Variants in PDLIM5 observed in about 807,000 individuals in gnomAD.
PDLIM5 encodes PDZ and LIM domain 5.
PDLIM5 carries 34 observed loss-of-function variants against 64.2 expected under a neutral mutation model. The ratio of observed to expected loss-of-function variants is 0.53; its 90% CI spans 0.40 to 0.71. The LOEUF is 0.71. Among genes scored for constraint, PDLIM5 ranks in the 30% least tolerant of loss-of-function variants. PDLIM5 has a pLI of 0.00. For synonymous variants in PDLIM5, 253 were observed against 269.1 expected (o/e 0.94, Z 0.59); for missense variants, 683 against 733.6 (o/e 0.93, Z 0.80).
chr4:94,525,888 G>A (rs1165684404), intron 3 of PDLIM5, among the ~76,000 whole-genome samples: 2 of 152,102 alleles, frequency 1.3e-5, no homozygotes, highest in Non-Finnish European at 2.9e-5. Context: ...AAAAAAATTT[G>A]TTTCATTAGT....
chr4:94,607,148 G>A (rs1410481273), intron 7 of PDLIM5, among the ~76,000 whole-genome samples: 1 of 151,178 alleles, frequency 6.6e-6, no homozygotes, highest in Non-Finnish European at 1.5e-5. Context: ...CAACACTCTG[G>A]TAAAGGTATG....
chr4:94,594,584 AATT>A (rs1428645801), intron 7 of PDLIM5, among the ~76,000 whole-genome samples: 1 of 152,020 alleles, frequency 6.6e-6, no homozygotes, highest in East Asian at 1.9e-4. Flanking sequence ...ATTTAGAGAT[AATT>A]ATGTTATACA....
At chr4:94,560,659 C>G (rs1434474257) in intron 3 of PDLIM5, among the ~76,000 whole-genome samples, 1 of 152,186 alleles carries the variant, frequency 6.6e-6, no homozygotes, top group Non-Finnish European at 1.5e-5. Context: ...GCTTTTAGCT[C>G]TGGAATACTG....
intron 7 of PDLIM5, among the ~76,000 whole-genome samples, chr4:94,597,613 T>A (rs933283884): frequency 6.7e-6 from 1 of 150,190 alleles, no homozygotes; most frequent in South Asian, 2.1e-4. Flanking sequence ...CAGAAAGTGA[T>A]TCTAAATGGT....
chr4:94,656,058 A>AT (rs934162019), intron 10 of PDLIM5, among the ~76,000 whole-genome samples: 15 of 152,168 alleles, frequency 9.9e-5, no homozygotes, highest in Non-Finnish European at 1.9e-4. Context: ...TTATTTTGAT[A>AT]TTTTTTATAA....
At chr4:94,585,023 C>CA in intron 5 of PDLIM5, 1 of 1,276,534 alleles carries the variant, frequency 7.8e-7, no homozygotes, top group Non-Finnish European at 1.1e-6. Flanking sequence ...CTGTTGAATA[C>CA]ATTCTAATAG....
At chr4:94,524,696 C>A (rs1730184425) in intron 3 of PDLIM5, among the ~76,000 whole-genome samples, 1 of 151,898 alleles carries the variant, frequency 6.6e-6, no homozygotes, top group Non-Finnish European at 1.5e-5. Flanking sequence ...TTTGAGCATC[C>A]CATCATTTGA....
At chr4:94,471,465 A>C (rs1724863646) in intron 2 of PDLIM5, among the ~76,000 whole-genome samples, 1 of 152,100 alleles carries the variant, frequency 6.6e-6, no homozygotes, top group South Asian at 2.1e-4. Flanking sequence ...TATATTATCA[A>C]AACTAATATA....
chr4:94,610,949 C>CCT, intron 7 of PDLIM5: 2 of 667,976 alleles, frequency 3.0e-6, no homozygotes, highest in South Asian at 3.8e-5. Flanking sequence ...CCTCCTTCTT[C>CCT]CTCTCTCTCC....
At chr4:94,521,117 G>A (rs1729788912) in intron 2 of PDLIM5, among the ~76,000 whole-genome samples, 1 of 152,144 alleles carries the variant, frequency 6.6e-6, no homozygotes, top group Non-Finnish European at 1.5e-5. Flanking sequence ...AAACAGATTG[G>A]TGACAAATTA....
Position 94,665,510 on chromosome 4 carries a change from A to AAT in PDLIM5, c.*1443_*1444insAT. On this transcript the variant is annotated 3_prime_UTR_variant, in exon 13 of 13. Coordinates refer to ENST00000317968, the MANE Select transcript of PDLIM5 (RefSeq NM_006457.5). ...AAAAAAAAAAAAAAAAAAAAAAGAGAGAGAGAGAATAAATAGAAAAGAATG... is the reference window on the plus strand; with the variant it reads ...AAAAAAAAAAAAAAAAAAAAAAGAGAATGAGAGAGAATAAATAGAAAAGAATG... 1 of 630,904 alleles carries AAT rather than the reference A, an allele frequency of 1.6e-6. No individual in the cohort carries two copies. Among genetic ancestry groups the AAT allele is most frequent in the Non-Finnish European group, 1.9e-6 (1 of 532,218 alleles). 39.1% of individuals were successfully genotyped at this position (630,904 alleles called of 1,614,324 possible).
intron 7 of PDLIM5, among the ~76,000 whole-genome samples, chr4:94,595,622 T>A (rs1009990813): frequency 9.2e-5 from 14 of 152,242 alleles, no homozygotes; most frequent in African/African-American, 3.1e-4. Context: ...TAAGTTTTTT[T>A]AAAACTTTGT....
At chr4:94,556,435 T>A (rs1389276655) in intron 3 of PDLIM5, among the ~76,000 whole-genome samples, 1 of 152,222 alleles carries the variant, frequency 6.6e-6, no homozygotes, top group Non-Finnish European at 1.5e-5. Context: ...ATGGGATGGC[T>A]GGGTCAAATG....
At chr4:94,622,758 C>T (rs1739342404) in intron 8 of PDLIM5, among the ~76,000 whole-genome samples, 5 of 152,014 alleles carry the variant, frequency 3.3e-5, no homozygotes, top group Admixed American at 3.3e-4. Context: ...GCAACCTCCA[C>T]CTCCCAGGTT....
intron 8 of PDLIM5, among the ~76,000 whole-genome samples, chr4:94,636,519 A>G (rs1740576227): frequency 6.6e-6 from 1 of 151,202 alleles, no homozygotes; most frequent in African/African-American, 2.4e-5. Flanking sequence ...GTGGATAGAA[A>G]GAAGTATATA....
Position 94,455,338 on chromosome 4 carries a change from G to A in PDLIM5, c.50G>A (p.Arg17Gln), listed in dbSNP as rs1198346104. 8.1e-6 allele frequency: 13 copies of A among 1,613,748 alleles called. No individual in the cohort carries two copies. The highest frequency in any genetic ancestry group is 4.2e-6 in the Non-Finnish European group (5 of 1,179,656). The change falls in exon 2 of 13, where the codon CGG becomes CAG. Residue 17 changes from arginine to glutamine, a missense_variant. Transcript: ENST00000317968. ...GTTGGCCCAGCTCCTTGGGGTTTCCGGCTGCAGGGCGGTAAGGATTTCAAC... is the reference window on the plus strand; with the variant it reads ...GTTGGCCCAGCTCCTTGGGGTTTCCAGCTGCAGGGCGGTAAGGATTTCAAC... Reference protein sequence around the residue: ...SLVGPAPWGFRLQGGKDFNMP... With the variant: ...SLVGPAPWGFQLQGGKDFNMP...
chr4:94,584,091 A>G (rs1248151503), intron 5 of PDLIM5, among the ~76,000 whole-genome samples: 2 of 152,192 alleles, frequency 1.3e-5, no homozygotes, highest in Non-Finnish European at 2.9e-5. Context: ...TAAAATGATG[A>G]CAGTCGTGTG....
At chr4:94,573,179 C>A (rs1734950774) in intron 3 of PDLIM5, among the ~76,000 whole-genome samples, 172 bp from the exon 4 acceptor site, 1 of 152,050 alleles carries the variant, frequency 6.6e-6, no homozygotes, top group East Asian at 1.9e-4. Context: ...ATTTGACTTA[C>A]ATGAATGAAT....
chr4:94,461,705 C>A (rs576603470), intron 2 of PDLIM5, among the ~76,000 whole-genome samples: 76 of 152,130 alleles, frequency 5.0e-4, no homozygotes, highest in African/African-American at 1.8e-3. Flanking sequence ...ATGACAATTA[C>A]TAGAACAGAG....
Sources: allele counts gnomAD v4.1 joint callset (sites outside exome capture counted in the v4.1 genomes callset), GRCh38; gene constraint gnomAD v4.1.1; transcripts MANE v1.5; gene names NCBI Gene and HGNC (gene_info 2026-07-23, HGNC 2026-07-21).